The following CRTAC1 variants were observed in gnomAD, a reference collection of about 807,000 sequenced individuals.
CRTAC1 encodes acidic secreted protein in cartilage.
A neutral mutation model predicts 67.8 loss-of-function variants in CRTAC1; 37 were observed. The ratio of observed to expected loss-of-function variants is 0.55; its 90% CI spans 0.42 to 0.72. CRTAC1 has a LOEUF of 0.72. Among genes scored for constraint, CRTAC1 ranks in the 30% least tolerant of loss-of-function variants. The pLI is 0.00. For synonymous variants in CRTAC1, 348 were observed against 371.0 expected, an observed-to-expected ratio of 0.94 and a Z score of 0.71; for missense variants, 780 against 931.6, an observed-to-expected ratio of 0.84 and a Z score of 2.12.
At chr10:97,929,147 G>T (rs1277525233) in intron 3 of CRTAC1, among the ~76,000 whole-genome samples, 1 of 152,056 alleles carries the variant, frequency 6.6e-6, no homozygotes, top group African/African-American at 2.4e-5. Context: ...CTTACTGGGG[G>T]TGAGCAAGAG....
intron 2 of CRTAC1, among the ~76,000 whole-genome samples, chr10:97,995,316 A>C (rs1842542235): frequency 6.6e-6 from 1 of 151,980 alleles, no homozygotes; most frequent in Non-Finnish European, 1.5e-5. Flanking sequence ...ACACACACAC[A>C]CACCCCTCCT....
At position 97,940,397 on chromosome 10, in the gene CRTAC1, A is replaced by G. The variant is rs543573047; in HGVS notation, c.225-4031T>C. 3.3e-4 allele frequency among the ~76,000 whole-genome samples: 50 copies of G among 152,360 alleles called. 1 individual carries two copies. The South Asian group carries it at 9.5e-3, about 29-fold the overall frequency. On this transcript the variant is annotated intron_variant, in intron 2 of 14. Transcript: ENST00000370597. ...TAGAAATTCTGGAGGCTTCAAAGCT[A>G]AATTCTGGAGGCTTCAAAGCTCAGT... is the stretch of plus-strand genomic sequence containing the variant.
intron 2 of CRTAC1, among the ~76,000 whole-genome samples, chr10:97,965,262 T>C (rs573843469): frequency 3.4e-4 from 52 of 152,360 alleles, no homozygotes; most frequent in Non-Finnish European, 5.7e-4. Flanking sequence ...ACTCTCTGTG[T>C]GCCAACTCAG....
In CRTAC1 at chr10:97,874,141, A is replaced by G. The variant is rs370130978; in HGVS notation, c.1819+6108T>C. On this transcript the variant is annotated intron_variant, in intron 14 of 14. Transcript: ENST00000370597. ...AGCAGCCGGCAACCCGGCAGGAAAAAGGACCAGACGGGGGTGCAGATGCCT... is the reference window on the plus strand; with the variant it reads ...AGCAGCCGGCAACCCGGCAGGAAAAGGGACCAGACGGGGGTGCAGATGCCT... 7.2e-5 allele frequency among the ~76,000 whole-genome samples: 11 copies of G among 152,360 alleles called. No homozygotes were observed. The East Asian group carries it at 1.7e-3, about 24-fold the overall frequency.
chr10:97,903,418 C>T, intron 7 of CRTAC1, among the ~76,000 whole-genome samples: 1 of 151,588 alleles, frequency 6.6e-6, no homozygotes, highest in East Asian at 1.9e-4. Flanking sequence ...GGAAATCGTC[C>T]AAGATCCCAG....
At chr10:97,885,069 AAATAAAT>A (rs1254621996) in intron 11 of CRTAC1, among the ~76,000 whole-genome samples, 1 of 152,252 alleles carries the variant, frequency 6.6e-6, no homozygotes, top group Non-Finnish European at 1.5e-5. Context: ...ACAGATGAAC[AAATAAAT>A]AATGCCAGAT....
intron 2 of CRTAC1, among the ~76,000 whole-genome samples, chr10:97,946,249 C>T (rs1336605996): frequency 6.6e-6 from 1 of 152,194 alleles, no homozygotes. Context: ...AATGTATTGG[C>T]TTAAATGTCC....
chr10:97,960,080 T>A (rs2051502667), intron 2 of CRTAC1, among the ~76,000 whole-genome samples: 2 of 152,210 alleles, frequency 1.3e-5, no homozygotes, highest in South Asian at 4.1e-4. Flanking sequence ...ATAAACAGTT[T>A]AGGTACAGTG....
chr10:97,904,231 C>T (rs2050578616), intron 7 of CRTAC1, among the ~76,000 whole-genome samples: 1 of 152,010 alleles, frequency 6.6e-6, no homozygotes. Flanking sequence ...CCTACAGCAG[C>T]CCAGCTGTAG....
intron 8 of CRTAC1, among the ~76,000 whole-genome samples, chr10:97,900,611 C>T (rs1385879897): frequency 1.5e-5 from 2 of 134,030 alleles, no homozygotes; most frequent in East Asian, 4.4e-4. Flanking sequence ...ACCCCGTAGC[C>T]CCTTTTCCTG....
At chr10:97,974,879 C>A (rs998014096) in intron 2 of CRTAC1, among the ~76,000 whole-genome samples, 1 of 152,136 alleles carries the variant, frequency 6.6e-6, no homozygotes, top group Non-Finnish European at 1.5e-5. Context: ...TGGTGCATCT[C>A]GCTGCATTGG....
At chr10:97,905,631 C>T (rs371253477) in intron 6 of CRTAC1, among the ~76,000 whole-genome samples, 121 of 152,324 alleles carry the variant, frequency 7.9e-4, no homozygotes, top group Middle Eastern at 3.4e-3. Context: ...TCTTGGTTCA[C>T]CTGGGTACAC....
chr10:97,994,856 G>T (rs1310463514), intron 2 of CRTAC1, among the ~76,000 whole-genome samples: 1 of 152,216 alleles, frequency 6.6e-6, no homozygotes, highest in Non-Finnish European at 1.5e-5. Context: ...TGAAGGTCCT[G>T]TGGAGGCCCA....
At position 97,904,695 on chromosome 10, in the gene CRTAC1, T is replaced by C. The variant is rs752179755; in HGVS notation, c.970A>G (p.Ser324Gly). 4 of 1,587,522 alleles carry C rather than the reference T, an allele frequency of 2.5e-6. No individual in the cohort carries two copies. In the Admixed American group the frequency reaches 5.5e-5, roughly 22 times the overall value. Residue 324 changes from serine (S) to glycine (G), a missense_variant, in exon 7 of 15, where the codon AGC becomes GGC. Transcript: ENST00000370597. Reference protein sequence around the residue: ...NGPHRLYLQMSTHGKVRFRDI... With the variant: ...NGPHRLYLQMGTHGKVRFRDI... ...CGGAAGCGGACCTTCCCATGGGTGC[T>C]CATTTGCAGATAGAGGCGGTGGGGG...
At chr10:97,991,420 TAATAAATA>T (rs59622695) in intron 2 of CRTAC1, among the ~76,000 whole-genome samples, 82 of 147,188 alleles carry the variant, frequency 5.6e-4, no homozygotes, top group Non-Finnish European at 4.6e-4. Context: ...CTTTTAAAAA[TAATAAATA>T]AATAAATAAA....
intron 3 of CRTAC1, among the ~76,000 whole-genome samples, chr10:97,934,830 T>A (rs983058885): frequency 6.6e-6 from 1 of 151,726 alleles, no homozygotes; most frequent in Non-Finnish European, 1.5e-5. Flanking sequence ...GGGCCCTACA[T>A]CCCTCACAGT....
chr10:98,005,098 A>ATTTTTTTTTTT (rs1347220699), intron 2 of CRTAC1, among the ~76,000 whole-genome samples: 818 of 38,046 alleles, frequency 0.022, 19 homozygotes, highest in Non-Finnish European at 0.028. Context: ...ATATATATAT[A>ATTTTTTTTTTT]TATTTTTTTT....
intron 11 of CRTAC1, among the ~76,000 whole-genome samples, chr10:97,892,932 C>T (rs2050398455): frequency 6.6e-6 from 1 of 152,032 alleles, no homozygotes; most frequent in African/African-American, 2.4e-5. Flanking sequence ...TTATGTGTTC[C>T]CTATAAAAAT....
At chr10:98,028,409 C>T (rs944533571) in intron 1 of CRTAC1, among the ~76,000 whole-genome samples, 1 of 152,218 alleles carries the variant, frequency 6.6e-6, no homozygotes, top group Non-Finnish European at 1.5e-5. Flanking sequence ...AGGCTTCCAC[C>T]GCCTCAGCAC....
Sources: gnomAD v4.1 joint callset for allele counts (sites outside exome capture counted in the v4.1 genomes callset) on GRCh38, gnomAD v4.1.1 for gene constraint, MANE v1.5 for transcripts, NCBI Gene and HGNC (gene_info 2026-07-23, HGNC 2026-07-21) for gene names.